Variants in ARHGAP26 observed in about 807,000 individuals in gnomAD.
The protein encoded by ARHGAP26 is Rho GTPase activating protein 26.
In ARHGAP26, 38 loss-of-function variants were observed where a neutral mutation model predicts 104.8. The ratio of observed to expected loss-of-function variants is 0.36; its 90% confidence interval spans 0.28 to 0.48. The LOEUF (loss-of-function observed/expected upper bound fraction) is 0.48, where lower values mean the gene tolerates loss of function less well. Among genes scored for constraint, ARHGAP26 ranks in the 20% least tolerant of loss-of-function variants. The probability of loss-of-function intolerance (pLI) is 0.99; values close to 1 mark genes in which losing one functional copy is unlikely to be tolerated. For synonymous variants in ARHGAP26, 341 were observed against 340.0 expected (o/e 1.00, Z -0.03); for missense variants, 704 against 947.9 (o/e 0.74, Z 3.38).
intron 11 of ARHGAP26, among the ~76,000 whole-genome samples, chr5:142,973,873 G>T (rs1312248790): frequency 1.3e-5 from 2 of 152,190 alleles, no homozygotes; most frequent in Admixed American, 1.3e-4. Flanking sequence ...GCTAGCAGAG[G>T]ACATCAGGTT....
At chr5:142,921,907 A>T (rs1239720062) in intron 10 of ARHGAP26, 1 of 152,138 alleles carries the variant, frequency 6.6e-6, no homozygotes, top group African/African-American at 2.4e-5. Context: ...TATTGTTGTG[A>T]TGGTGAACCT....
chr5:143,087,009 C>A (rs1790689006), intron 17 of ARHGAP26, among the ~76,000 whole-genome samples: 1 of 152,250 alleles, frequency 6.6e-6, no homozygotes, highest in Non-Finnish European at 1.5e-5. Flanking sequence ...CTTGCTAGAT[C>A]ATGTTCCAAA....
intron 5 of ARHGAP26, among the ~76,000 whole-genome samples, chr5:142,889,162 A>G (rs1758126803): frequency 6.6e-6 from 1 of 152,232 alleles, no homozygotes; most frequent in Admixed American, 6.5e-5. Context: ...CTGATGGGAC[A>G]TGCCTTTGGT....
intron 10 of ARHGAP26, among the ~76,000 whole-genome samples, chr5:142,920,134 G>A (rs1562081954): frequency 6.6e-6 from 1 of 152,168 alleles, no homozygotes; most frequent in East Asian, 1.9e-4. Flanking sequence ...ATAAAGACTA[G>A]ATTGATCATT....
chr5:142,899,751 G>A (rs969539342), intron 6 of ARHGAP26, among the ~76,000 whole-genome samples: 1 of 152,100 alleles, frequency 6.6e-6, no homozygotes, highest in Non-Finnish European at 1.5e-5. Context: ...GAGGAGAGAA[G>A]CAAGGGGGAA....
Position 143,018,245 on chromosome 5 carries a change from C to A in ARHGAP26, c.1144+4129C>A, listed in dbSNP as rs188641555. On this transcript the variant is annotated intron_variant, in intron 12 of 22. Transcript: ENST00000645722. The stretch of plus-strand genomic sequence containing the variant: ...GTTCCTACTGATTCTAGATACTAAT[C>A]CCTTGTTAGATTTAGCCAGTTTAAA... Among the ~76,000 whole-genome samples the A allele has an allele frequency of 6.6e-5, 10 of 152,262 alleles. No individual in the cohort carries two copies. The East Asian group carries it at 1.9e-3, about 29-fold the overall frequency.
chr5:142,999,711 G>A (rs1409655937), intron 11 of ARHGAP26, among the ~76,000 whole-genome samples: 1 of 152,064 alleles, frequency 6.6e-6, no homozygotes, highest in Non-Finnish European at 1.5e-5. Context: ...TGCGATCTGG[G>A]ATTGGCAAAA....
chr5:143,137,366 C>T (rs934891858), intron 19 of ARHGAP26, among the ~76,000 whole-genome samples: 2 of 152,202 alleles, frequency 1.3e-5, no homozygotes, highest in Admixed American at 6.5e-5. Context: ...CAGATATTGT[C>T]AGTGGGCTGT....
intron 12 of ARHGAP26, 26 bp downstream of exon 12, chr5:143,014,142 C>T: frequency 6.2e-7 from 1 of 1,613,738 alleles, no homozygotes; most frequent in Non-Finnish European, 8.5e-7. Flanking sequence ...GGGTAACCTT[C>T]TACAGCCAGG....
chr5:142,934,247 T>C (rs1765115844), intron 11 of ARHGAP26, among the ~76,000 whole-genome samples: 1 of 152,240 alleles, frequency 6.6e-6, no homozygotes, highest in South Asian at 2.1e-4. Context: ...TCAGTTTTCC[T>C]GTAGATTAAC....
chr5:143,167,824 CAA>C (rs1802219821), intron 20 of ARHGAP26, among the ~76,000 whole-genome samples: 1 of 152,144 alleles, frequency 6.6e-6, no homozygotes. Flanking sequence ...GAGAAACTGA[CAA>C]GAGATAGTGG....
chr5:142,879,616 G>T (rs772966511), intron 4 of ARHGAP26, among the ~76,000 whole-genome samples, 171 bp downstream of exon 4: 1 of 152,178 alleles, frequency 6.6e-6, no homozygotes, highest in Non-Finnish European at 1.5e-5. Context: ...GTTCTTTACG[G>T]GTGACTGAAG....
chr5:142,774,534 C>T (rs1002980427), intron 1 of ARHGAP26, among the ~76,000 whole-genome samples: 10 of 152,024 alleles, frequency 6.6e-5, no homozygotes, highest in Non-Finnish European at 1.5e-4. Context: ...TAACATCCTG[C>T]ATTAGCATAG....
chr5:143,212,199 G>T (rs946693824), intron 21 of ARHGAP26, among the ~76,000 whole-genome samples: 1 of 151,972 alleles, frequency 6.6e-6, no homozygotes, highest in Non-Finnish European at 1.5e-5. Context: ...TCAAAACCTG[G>T]TCTCTGAGAC....
At position 143,009,713 on chromosome 5, in the gene ARHGAP26, G is replaced by C. The variant is rs547472528; in HGVS notation, c.1108-4367G>C. On this transcript the variant is annotated intron_variant, in intron 11 of 22. Coordinates refer to ENST00000645722, the MANE Select transcript of ARHGAP26 (RefSeq NM_001135608.3). Reference sequence around the variant, plus strand: ...CTTGAAAATAGATACTTGTTGGCACGGATCTTTAACAAATCTTCATATACA... The same window carrying C: ...CTTGAAAATAGATACTTGTTGGCACCGATCTTTAACAAATCTTCATATACA... 1.5e-4 allele frequency among the ~76,000 whole-genome samples: 23 copies of C among 152,162 alleles called. No individual in the cohort carries two copies. The South Asian group carries it at 4.8e-3, about 32-fold the overall frequency.
chr5:142,779,248 A>G (rs1756993308), intron 1 of ARHGAP26, among the ~76,000 whole-genome samples: 1 of 152,166 alleles, frequency 6.6e-6, no homozygotes, highest in African/African-American at 2.4e-5. Flanking sequence ...CTCAGAATGG[A>G]GAGAGAGGAA....
chr5:143,158,037 G>A (rs567965137), intron 20 of ARHGAP26, among the ~76,000 whole-genome samples: 4 of 152,246 alleles, frequency 2.6e-5, no homozygotes, highest in South Asian at 2.1e-4. Flanking sequence ...AAATGGCCTC[G>A]TTCAGAGTAT....
chr5:143,036,781 A>G (rs1168272463), intron 12 of ARHGAP26, among the ~76,000 whole-genome samples: 1 of 152,222 alleles, frequency 6.6e-6, no homozygotes, highest in Non-Finnish European at 1.5e-5. Flanking sequence ...ATCTATTTTA[A>G]GCACTTACCC....
chr5:142,880,828 C>A (rs1756890836), intron 4 of ARHGAP26, among the ~76,000 whole-genome samples: 1 of 152,160 alleles, frequency 6.6e-6, no homozygotes, highest in Non-Finnish European at 1.5e-5. Context: ...TGATTAGGGC[C>A]TGCAAAAGAT....
Sources: gnomAD v4.1 joint callset for allele counts (sites outside exome capture counted in the v4.1 genomes callset) on GRCh38, gnomAD v4.1.1 for gene constraint, MANE v1.5 for transcripts, NCBI Gene and HGNC (gene_info 2026-07-23, HGNC 2026-07-21) for gene names.